SUN2: variants seen among roughly 807,000 people sequenced by gnomAD.
SUN2 encodes Sad1 and UNC84 domain containing 2.
In SUN2, 60 loss-of-function variants were observed where a neutral mutation model predicts 100.0. That is an observed-to-expected ratio of 0.60 (90% CI 0.49 to 0.74). The LOEUF is 0.74. Among genes scored for constraint, SUN2 ranks in the 30% least tolerant of loss-of-function variants. The probability of loss-of-function intolerance (pLI) is 0.00; values close to 1 mark genes in which losing one functional copy is unlikely to be tolerated. For missense variants in SUN2, 834 were observed against 954.6 expected, an observed-to-expected ratio of 0.87 and a Z score of 1.66; for synonymous variants, 367 against 403.3, an observed-to-expected ratio of 0.91 and a Z score of 1.08.
At position 38,741,480 on chromosome 22, in the gene SUN2, G is replaced by A. The variant is rs377107390; in HGVS notation, c.1146+14C>T. 1.9e-5 allele frequency: 31 copies of A among 1,613,094 alleles called. No individual in the cohort carries two copies. The highest frequency in any genetic ancestry group is 1.6e-4 in the Middle Eastern group (1 of 6,064). ...GACCCAGTCACAGGCCCTGAGTGCC[G>A]CAAGCCCGCTGACCTGGGAGGCCCG... On this transcript the variant is annotated intron_variant, in intron 10 of 17. Transcript: ENST00000689035.
In SUN2 at chr22:38,755,986, G is replaced by A. The variant is rs948589059; in HGVS notation, c.-261C>T. 2.8e-5 allele frequency: 28 copies of A among 984,368 alleles called. No individual in the cohort carries two copies. The highest frequency in any genetic ancestry group is 3.3e-5 in the Non-Finnish European group (27 of 829,590). 61.0% of individuals were successfully genotyped at this position (984,368 alleles called of 1,614,324 possible). On this transcript the variant is annotated 5_prime_UTR_variant, in exon 1 of 18. Coordinates refer to ENST00000689035, the MANE Select transcript of SUN2 (RefSeq NM_015374.3). This position sits in a 1 kb window ranked among gnomAD's most constrained non-coding sequence, Gnocchi z 5.7. The stretch of plus-strand genomic sequence containing the variant: ...GCCCGCGCTGCGCGAGTGGGGCCGG[G>A]CGGCGCGCGTGTGGCCGACTCTGTA...
Position 38,755,121 on chromosome 22 carries a change from A to G in SUN2, c.-38+642T>C. ...TCAATTCCGCCCTTCCCCATCACAA[A>G]CATCTCCATCCATCTTCAGACTTAA... On this transcript the variant is annotated intron_variant, in intron 1 of 17. Transcript: ENST00000689035. This position sits in a 1 kb window ranked among gnomAD's most constrained non-coding sequence, Gnocchi z 5.7. 2 of 976,758 alleles carry G rather than the reference A, an allele frequency of 2.0e-6. No individual in the cohort carries two copies. Among genetic ancestry groups the G allele is most frequent in the Middle Eastern group, 4.4e-4 (1 of 2,264 alleles). 60.5% of individuals were successfully genotyped at this position (976,758 alleles called of 1,614,324 possible).
Position 38,736,203 on chromosome 22 carries a change from G to T in SUN2, c.*64C>A. ...GTCAGAGCGCCGAGCAAGCGTGTGG[G>T]GGAAGCGGCGGGGTGCTGTTCACCC... On this transcript the variant is annotated 3_prime_UTR_variant, in exon 18 of 18. Coordinates refer to ENST00000689035, the MANE Select transcript of SUN2 (RefSeq NM_015374.3). The T allele has an allele frequency of 6.8e-7, 1 of 1,471,714 alleles. No homozygotes were observed. The allele number at this position is 1,471,714 out of a possible 1,614,324, so 91.2% of individuals were successfully genotyped here.
Position 38,749,812 on chromosome 22 carries a change from G to A in SUN2, c.568C>T (p.Arg190Cys), listed in dbSNP as rs373389858. 33 of 1,613,928 alleles carry A rather than the reference G, an allele frequency of 2.0e-5. No individual in the cohort carries two copies. Among genetic ancestry groups the A allele is most frequent in the South Asian group, 5.5e-5 (5 of 91,070 alleles). ...LYWWAGTTWY[R>C]LTTAASLLDV... ...AGGAGGGAGGCAGCTGTGGTCAGGC[G>A]GTACCAGGTGGTGCCAGCCCACCAG... is the stretch of plus-strand genomic sequence containing the variant. The change falls in exon 6 of 18, where the codon CGC becomes TGC. Residue 190 changes from arginine to cysteine, a missense_variant. Around this residue, in one of 3 missense-constraint regions of SUN2, gnomAD observed 559 missense variants for 597.7 expected, o/e 0.94. Coordinates refer to ENST00000689035, the MANE Select transcript of SUN2 (RefSeq NM_015374.3).
Position 38,736,374 on chromosome 22 carries a change from T to C in SUN2, c.2047A>G (p.Thr683Ala). The C allele has an allele frequency of 1.9e-6, 3 of 1,613,080 alleles. No individual in the cohort carries two copies. The highest frequency in any genetic ancestry group is 2.5e-6 in the Non-Finnish European group (3 of 1,179,410). ...TCCACCACCTGGTACGTGGCCATCG[T>C]AGGGGCCTGGGTAGAGAAGAAAGGG... ...PIQTFHFQAPTMATYQVVELR... is the reference protein window; with the variant it reads ...PIQTFHFQAPAMATYQVVELR... Residue 683 changes from threonine to alanine, a missense_variant, in exon 18 of 18, where the codon ACG becomes GCG. By Grantham distance (58) the Thr-to-Ala change is moderately conservative. Coordinates refer to ENST00000689035, the MANE Select transcript of SUN2 (RefSeq NM_015374.3).
chr22:38,741,548 T>G lies in SUN2; in HGVS notation c.1092A>C (p.Ala364=). The G allele has an allele frequency of 2.5e-6, 4 of 1,614,106 alleles. No individual in the cohort carries two copies. In the Middle Eastern group the frequency reaches 4.9e-4, roughly 200 times the overall value. ...RIQEELSALR[A]EHQQDSEDLF... is the part of the protein sequence containing the mutation. ...GGTCTTCTGAGTCTTGCTGATGCTC[T>G]GCTCTCAGGGCAGACAGTTCTTCCT... Residue 364 remains alanine (A), a synonymous_variant, in exon 10 of 18, where the codon GCA becomes GCC. Coordinates refer to ENST00000689035, the MANE Select transcript of SUN2 (RefSeq NM_015374.3).
chr22:38,753,250 C>T (rs1369038427), intron 1 of SUN2, among the ~76,000 whole-genome samples: 4 of 140,642 alleles, frequency 2.8e-5, no homozygotes, highest in African/African-American at 5.5e-5. Context: ...GAGTCTCGCG[C>T]TGCCTCCCAG....
chr22:38,745,143 T>C lies in SUN2; in HGVS notation c.813+541A>G, dbSNP rs554060637. 4.3e-4 allele frequency: 204 copies of C among 471,212 alleles called. 2 individuals are homozygous for C. Among genetic ancestry groups the C allele is most frequent in the African/African-American group, 2.5e-3 (127 of 50,210 alleles). The allele number at this position is 471,212 out of a possible 1,614,324, so 29.2% of individuals were successfully genotyped here. A position where few individuals can be genotyped will look rare whatever the true frequency, so the allele number is the denominator to read the frequency against. ...TTGCCTTGGTTCTCTCTTGAAACCC[T>C]GCCTGGGTGCGATGAGAAACAGCTG... On this transcript the variant is annotated intron_variant, in intron 8 of 17. Transcript: ENST00000689035.
rs751009253 is a variant in SUN2 at position 38,752,555 on chromosome 22, C to T, written c.74G>A (p.Ser25Asn). The change falls in exon 2 of 18, where the codon AGC (serine) becomes AAC (asparagine). Residue 25 changes from serine (S) to asparagine (N), a missense_variant. Transcript: ENST00000689035. Reference protein sequence around the residue: ...DDDGSSSSGGSSVAGSQSTLF... With the variant: ...DDDGSSSSGGNSVAGSQSTLF... ...GGTGCTCTGACTCCCAGCCACCGAG[C>T]TCCCTCCGCTGCTGCTGCTGCCGTC... 11 of 1,613,866 alleles carry T rather than the reference C, an allele frequency of 6.8e-6. No individual in the cohort carries two copies. In the Admixed American group the frequency reaches 8.3e-5, roughly 12 times the overall value.
At chr22:38,745,631 C>G in intron 8 of SUN2, 53 bp downstream of exon 8, 9 of 1,600,720 alleles carry the variant, frequency 5.6e-6, no homozygotes, top group Non-Finnish European at 7.7e-6. Context: ...ACCACTTTCA[C>G]CGTCACCTAA....
At position 38,755,047 on chromosome 22, in the gene SUN2, C is replaced by A; in HGVS notation, c.-38+716G>T. On this transcript the variant is annotated intron_variant, in intron 1 of 17. Coordinates refer to ENST00000689035, the MANE Select transcript of SUN2 (RefSeq NM_015374.3). This position sits in a 1 kb window ranked among gnomAD's most constrained non-coding sequence, Gnocchi z 5.7. ...CTCCCTAACAATCAGTTAGGAAACG[C>A]TCATCGGAAAGCATCCTTCCCCACT... 8.9e-7 allele frequency: 1 copy of A among 1,129,048 alleles called. No homozygotes were observed. Among genetic ancestry groups the A allele is most frequent in the South Asian group, 1.4e-5 (1 of 70,924 alleles). 69.9% of individuals were successfully genotyped at this position (1,129,048 alleles called of 1,614,324 possible).
Position 38,740,468 on chromosome 22 carries a change from CTT to C in SUN2, c.1191-38_1191-37del. 7.0e-7 allele frequency: 1 copy of C among 1,436,482 alleles called. No homozygotes were observed. The highest frequency in any genetic ancestry group is 1.5e-5 in the South Asian group (1 of 66,946). 89.0% of individuals were successfully genotyped at this position (1,436,482 alleles called of 1,614,324 possible). On this transcript the variant is annotated intron_variant, in intron 11 of 17. Transcript: ENST00000689035. The surrounding 1 kb of genome is among the most constrained non-coding windows in gnomAD (Gnocchi z 4.8). The stretch of plus-strand genomic sequence containing the variant: ...AGAGAGAAGAGTAAGCCTCGGATCT[CTT>C]TGGTGGGAGGTAAGGCCACACCAAA...
chr22:38,750,492 T>C lies in SUN2; in HGVS notation c.425-172A>G, dbSNP rs539531843. 6 of 1,366,956 alleles carry C rather than the reference T, an allele frequency of 4.4e-6. 1 individual carries two copies. The South Asian group carries it at 8.4e-5, about 19-fold the overall frequency. The allele number at this position is 1,366,956 out of a possible 1,614,324, so 84.7% of individuals were successfully genotyped here. A position where few individuals can be genotyped will look rare whatever the true frequency, so the allele number is the denominator to read the frequency against. On this transcript the variant is annotated intron_variant, in intron 4 of 17. Coordinates refer to ENST00000689035, the MANE Select transcript of SUN2 (RefSeq NM_015374.3). ...TGGGAGCTCTTTGACATTCTGTTTC[T>C]TCTGACAGCTTCCTGTTTGCATCCC...
At position 38,751,194 on chromosome 22, in the gene SUN2, AG is replaced by A; in HGVS notation, c.286+15del. The A allele has an allele frequency of 1.2e-6, 2 of 1,606,708 alleles. No homozygotes were observed. The highest frequency in any genetic ancestry group is 1.7e-6 in the Non-Finnish European group (2 of 1,174,114). Reference sequence around the variant, plus strand: ...CCGAGGAAGCAAAGCCCCGGGACGGAGGGCTCCACACTCACCCCAGTTGGCG... The same window carrying A: ...CCGAGGAAGCAAAGCCCCGGGACGGAGGCTCCACACTCACCCCAGTTGGCG... On this transcript the variant is annotated intron_variant, in intron 3 of 17. Transcript: ENST00000689035.
At chr22:38,743,005 C>G (rs1220609411) in intron 8 of SUN2, 1 of 159,506 alleles carries the variant, frequency 6.3e-6, no homozygotes, top group African/African-American at 2.4e-5. Flanking sequence ...GGCTTTCACT[C>G]CTTCCCTAGG....
intron 7 of SUN2, 82 bp from the exon 8 acceptor site, chr22:38,745,893 G>C: frequency 6.5e-7 from 1 of 1,545,790 alleles, no homozygotes; most frequent in Non-Finnish European, 8.7e-7. Flanking sequence ...CCTGATCCCT[G>C]CCAGTGCTTG....
Position 38,742,363 on chromosome 22 carries a change from C to CT in SUN2, c.1005dup (p.Val336SerfsTer5). On this transcript the variant is annotated frameshift_variant, in exon 9 of 18. Coordinates refer to ENST00000689035, the MANE Select transcript of SUN2 (RefSeq NM_015374.3). LOFTEE classifies it high-confidence loss of function. ...TTCAGGGCAGCTTCACGGCGGCTCA[C>CT]TAGCCCCTCCAGCAGCGCCAGGGTG... The CT allele has an allele frequency of 6.2e-7, 1 of 1,613,082 alleles. No homozygotes were observed. Among genetic ancestry groups the CT allele is most frequent in the Non-Finnish European group, 8.5e-7 (1 of 1,179,684 alleles).
chr22:38,741,564 A>C lies in SUN2; in HGVS notation c.1076T>G (p.Leu359Arg). ...CTGATGCTCTGCTCTCAGGGCAGACAGTTCTTCCTGTGAGACGGGAGTGAG... is the reference window on the plus strand; with the variant it reads ...CTGATGCTCTGCTCTCAGGGCAGACCGTTCTTCCTGTGAGACGGGAGTGAG... Reference protein sequence around the residue: ...RETAARIQEELSALRAEHQQD... With the variant: ...RETAARIQEERSALRAEHQQD... Residue 359 changes from leucine (L) to arginine (R), a missense_variant, in exon 10 of 18, where the codon CTG becomes CGG. Coordinates refer to ENST00000689035, the MANE Select transcript of SUN2 (RefSeq NM_015374.3). 1 of 1,614,038 alleles carries C rather than the reference A, an allele frequency of 6.2e-7. No individual in the cohort carries two copies. The highest frequency in any genetic ancestry group is 2.2e-5 in the East Asian group (1 of 44,874).
In SUN2 at chr22:38,739,540, C is replaced by T; in HGVS notation, c.1579-114G>A. 7.3e-7 allele frequency: 1 copy of T among 1,366,532 alleles called. No homozygotes were observed. The highest frequency in any genetic ancestry group is 1.0e-6 in the Non-Finnish European group (1 of 977,902). 84.7% of individuals were successfully genotyped at this position (1,366,532 alleles called of 1,614,324 possible). ...TGACCCCTTCTAGGCTTGCACTGTGCTGGTGCCCAGGCAGATGTGGGCACA... is the reference window on the plus strand; with the variant it reads ...TGACCCCTTCTAGGCTTGCACTGTGTTGGTGCCCAGGCAGATGTGGGCACA... On this transcript the variant is annotated intron_variant, in intron 13 of 17. Coordinates refer to ENST00000689035, the MANE Select transcript of SUN2 (RefSeq NM_015374.3). The surrounding 1 kb of genome is among the most constrained non-coding windows in gnomAD (Gnocchi z 6.7).
Sources: gnomAD v4.1 joint callset for allele counts (sites outside exome capture counted in the v4.1 genomes callset) on GRCh38, gnomAD v4.1.1 for gene constraint, gnomAD v4.1.1 regional missense constraint, Gnocchi (gnomAD v3.1) non-coding constraint, MANE v1.5 for transcripts, NCBI Gene and HGNC (gene_info 2026-07-23, HGNC 2026-07-21) for gene names.